The following SEMA6D variants were observed in gnomAD, a reference collection of about 807,000 sequenced individuals.
SEMA6D encodes the protein semaphorin-6D.
In SEMA6D, 35 loss-of-function variants were observed where a neutral mutation model predicts 106.6. That is an observed-to-expected ratio of 0.33 (90% CI 0.25 to 0.44). The LOEUF is 0.44. Among genes scored for constraint, SEMA6D ranks in the 20% least tolerant of loss-of-function variants. SEMA6D has a pLI of 1.00. For synonymous variants in SEMA6D, 499 were observed against 487.7 expected (o/e 1.02, Z -0.31); for missense variants, 1,185 against 1,345.9 (o/e 0.88, Z 1.87).
chr15:47,308,162 A>G (rs996953979), intron 1 of SEMA6D, among the ~76,000 whole-genome samples: 3 of 152,128 alleles, frequency 2.0e-5, no homozygotes, highest in Non-Finnish European at 4.4e-5. Context: ...ATATTTAAGT[A>G]GTGGCCCAAC....
At chr15:47,235,471 A>C (rs1389275711) in intron 1 of SEMA6D, among the ~76,000 whole-genome samples, 2 of 152,010 alleles carry the variant, frequency 1.3e-5, no homozygotes, top group Non-Finnish European at 2.9e-5. Flanking sequence ...TGGGTCTTAA[A>C]GTCTTTGATC....
intron 3 of SEMA6D, among the ~76,000 whole-genome samples, chr15:47,486,458 A>T (rs544620724): frequency 6.6e-6 from 1 of 152,324 alleles, no homozygotes; most frequent in Non-Finnish European, 1.5e-5. Context: ...TCCCCAACAG[A>T]ATGCTTTGAG....
intron 9 of SEMA6D, 75 bp downstream of exon 9, chr15:47,763,179 T>C: frequency 8.8e-7 from 1 of 1,141,430 alleles, no homozygotes; most frequent in Non-Finnish European, 1.3e-6. Flanking sequence ...GAGTTAAGGA[T>C]GCTCACTTGG....
intron 1 of SEMA6D, among the ~76,000 whole-genome samples, chr15:47,241,972 G>A (rs1356590911): frequency 6.6e-6 from 1 of 152,088 alleles, no homozygotes; most frequent in African/African-American, 2.4e-5. Context: ...TTTGTGTAAA[G>A]GAAGGAACCT....
At chr15:47,530,797 TG>T (rs764879792) in intron 3 of SEMA6D, among the ~76,000 whole-genome samples, 3 of 152,188 alleles carry the variant, frequency 2.0e-5, no homozygotes, top group Non-Finnish European at 4.4e-5. Context: ...GTCCTGCTGC[TG>T]CTACTCATTA....
At chr15:47,597,226 T>TG (rs1425353315) in intron 3 of SEMA6D, among the ~76,000 whole-genome samples, 1 of 152,078 alleles carries the variant, frequency 6.6e-6, no homozygotes, top group Non-Finnish European at 1.5e-5. Context: ...ATAACAAATA[T>TG]TGGCGAGGAT....
At chr15:47,247,727 ATGTG>A (rs1466299408) in intron 1 of SEMA6D, among the ~76,000 whole-genome samples, 1 of 152,136 alleles carries the variant, frequency 6.6e-6, no homozygotes, top group East Asian at 1.9e-4. Context: ...GTCTTTGTGC[ATGTG>A]TGTGTGTCAT....
At chr15:47,454,150 C>T (rs951323715) in intron 2 of SEMA6D, among the ~76,000 whole-genome samples, 6 of 151,910 alleles carry the variant, frequency 3.9e-5, no homozygotes, top group Non-Finnish European at 5.9e-5. Context: ...ATATACAAGG[C>T]TCTGTGCTCA....
chr15:47,469,486 A>T (rs1336371623), intron 2 of SEMA6D, among the ~76,000 whole-genome samples: 1 of 152,162 alleles, frequency 6.6e-6, no homozygotes, highest in Non-Finnish European at 1.5e-5. Flanking sequence ...GTATTCCCAG[A>T]GTACTGTTAG....
chr15:47,448,849 G>C (rs1021797218), intron 2 of SEMA6D, among the ~76,000 whole-genome samples: 3 of 152,088 alleles, frequency 2.0e-5, no homozygotes, highest in African/African-American at 7.2e-5. Flanking sequence ...GCCTCAAGCA[G>C]GGGGCTGTGG....
At chr15:47,205,446 A>G (rs1363644928) in intron 1 of SEMA6D, among the ~76,000 whole-genome samples, 2 of 152,208 alleles carry the variant, frequency 1.3e-5, no homozygotes, top group Non-Finnish European at 2.9e-5. Context: ...AGTGAGAGTC[A>G]GTTAAATAAG....
intron 2 of SEMA6D, among the ~76,000 whole-genome samples, chr15:47,426,314 G>A (rs1001300801): frequency 6.6e-6 from 1 of 152,046 alleles, no homozygotes; most frequent in Non-Finnish European, 1.5e-5. Context: ...TGGTGCTAGA[G>A]TTTTGTTATT....
intron 3 of SEMA6D, among the ~76,000 whole-genome samples, chr15:47,480,146 C>T (rs1262171382): frequency 6.6e-6 from 1 of 152,034 alleles, no homozygotes; most frequent in Non-Finnish European, 1.5e-5. Context: ...GCACTAGCCA[C>T]CACACCTGGC....
chr15:47,536,375 A>C (rs552886896), intron 3 of SEMA6D, among the ~76,000 whole-genome samples: 44 of 152,304 alleles, frequency 2.9e-4, no homozygotes, highest in African/African-American at 1.0e-3. Flanking sequence ...AGAGGTGAAA[A>C]GTTCTTTGAA....
At chr15:47,707,006 C>T (rs1342202144) in intron 4 of SEMA6D, among the ~76,000 whole-genome samples, 1 of 152,140 alleles carries the variant, frequency 6.6e-6, no homozygotes, top group African/African-American at 2.4e-5. Context: ...AAAATTATAT[C>T]CTATACATTT....
At chr15:47,265,501 G>A (rs1227020836) in intron 1 of SEMA6D, among the ~76,000 whole-genome samples, 2 of 151,322 alleles carry the variant, frequency 1.3e-5, no homozygotes, top group African/African-American at 4.8e-5. Flanking sequence ...TACCTTTTTT[G>A]TTTTACTTTA....
intron 1 of SEMA6D, among the ~76,000 whole-genome samples, chr15:47,222,043 ACT>A (rs764625213): frequency 5.9e-5 from 9 of 152,084 alleles, no homozygotes; most frequent in African/African-American, 9.7e-5. Flanking sequence ...GCACACGCAC[ACT>A]CACACACACG....
intron 1 of SEMA6D, among the ~76,000 whole-genome samples, chr15:47,210,975 T>C (rs2029944338): frequency 6.6e-6 from 1 of 152,086 alleles, no homozygotes; most frequent in Admixed American, 6.6e-5. Flanking sequence ...ATATATTGGC[T>C]GATAATTTTT....
In SEMA6D at chr15:47,757,496, A is replaced by C. The variant is rs80059223; in HGVS notation, c.-54-2249A>C. On this transcript the variant is annotated intron_variant, in intron 1 of 18. Transcript: ENST00000536845. ...AAGCAAGACAAGAAGACACTGCTTC[A>C]GAAGAAGAGGTAAACACGAAACCAT... Among the ~76,000 whole-genome samples, 1,140 of 152,354 alleles carry C rather than the reference A, an allele frequency of 7.5e-3. 18 individuals carry two copies. The highest frequency in any genetic ancestry group is 0.025 in the African/African-American group (1,055 of 41,588).
Sources: allele counts gnomAD v4.1 joint callset (sites outside exome capture counted in the v4.1 genomes callset), GRCh38; gene constraint gnomAD v4.1.1; transcripts MANE v1.5; gene names NCBI Gene and HGNC (gene_info 2026-07-23, HGNC 2026-07-21).